UBAP1L: variants seen among roughly 807,000 people sequenced by gnomAD.
The protein encoded by UBAP1L is ubiquitin-associated protein 1-like.
A neutral mutation model predicts 32.1 loss-of-function variants in UBAP1L; 32 were observed. The ratio of observed to expected loss-of-function variants is 1.00; its 90% CI spans 0.75 to 1.34. UBAP1L has a LOEUF of 1.34. UBAP1L is among the 40% of genes most tolerant of loss of function. UBAP1L has a pLI of 0.00. For missense variants in UBAP1L, 516 were observed against 540.5 expected, an observed-to-expected ratio of 0.95 and a Z score of 0.45; for synonymous variants, 243 against 250.2, an observed-to-expected ratio of 0.97 and a Z score of 0.27.
Position 65,099,540 on chromosome 15 carries a change from C to T in UBAP1L, c.874G>A (p.Ala292Thr), listed in dbSNP as rs924404019. Residue 292 changes from alanine to threonine, a missense_variant, in exon 4 of 6, where the codon GCT becomes ACT. Coordinates refer to ENST00000559089, the MANE Select transcript of UBAP1L (RefSeq NM_001163692.2). ...CTCTGCCTCCCTGTCTTCTGCAGAG[C>T]TATGATGGCCCTTCGCAGGGGATAT... is the stretch of plus-strand genomic sequence containing the variant. ...LGYPLRRAIIALQKTGRQSLS... is the reference protein window; with the variant it reads ...LGYPLRRAIITLQKTGRQSLS... 4.5e-6 allele frequency: 7 copies of T among 1,551,042 alleles called. No homozygotes were observed. The African/African-American group carries it at 9.6e-5, about 21-fold the overall frequency.
chr15:65,112,310 G>A (rs2087374092), intron 1 of UBAP1L, among the ~76,000 whole-genome samples: 1 of 152,192 alleles, frequency 6.6e-6, no homozygotes, highest in South Asian at 2.1e-4. Flanking sequence ...TAGAGCTGGG[G>A]AGAACTATGA....
At chr15:65,113,306 A>C (rs2087381127) in intron 1 of UBAP1L, among the ~76,000 whole-genome samples, 1 of 152,224 alleles carries the variant, frequency 6.6e-6, no homozygotes. Context: ...GAAGGCTTGC[A>C]GTGTCTGGCC....
intron 1 of UBAP1L, among the ~76,000 whole-genome samples, chr15:65,112,727 A>G (rs1739417848): frequency 6.6e-6 from 1 of 152,186 alleles, no homozygotes; most frequent in African/African-American, 2.4e-5. Flanking sequence ...CAGTGTCTCA[A>G]GACTTCTCAA....
intron 2 of UBAP1L, among the ~76,000 whole-genome samples, chr15:65,104,001 TCC>T (rs2087274345): frequency 6.6e-6 from 1 of 152,102 alleles, no homozygotes; most frequent in South Asian, 2.1e-4. Context: ...ATGCCTGCGA[TCC>T]CAGCACTTTG....
chr15:65,102,339 C>G lies in UBAP1L; in HGVS notation c.466G>C (p.Ala156Pro). The G allele has an allele frequency of 1.1e-5, 16 of 1,464,130 alleles. No homozygotes were observed. The highest frequency in any genetic ancestry group is 1.4e-5 in the Non-Finnish European group (16 of 1,116,390). 90.7% of individuals were successfully genotyped at this position (1,464,130 alleles called of 1,614,324 possible). The change falls in exon 3 of 6, where the codon GCA becomes CCA. Residue 156 changes from alanine to proline, a missense_variant. By Grantham distance (27) the Ala-to-Pro change is conservative (BLOSUM62 -1). Transcript: ENST00000559089. This position sits in a 1 kb window ranked among gnomAD's most constrained non-coding sequence, Gnocchi z 5.0. ...DVLRGVRLEL[A>P]GARRRLSEGK... ...TCGGAGAGCCGCCGCCGCGCCCCTG[C>G]CAGCTCCAACCGCACGCCGCGTAGC... is the stretch of plus-strand genomic sequence containing the variant.
chr15:65,093,029 C>G lies in UBAP1L; in HGVS notation c.*68G>C. 2 of 1,503,212 alleles carry G rather than the reference C, an allele frequency of 1.3e-6. No individual in the cohort carries two copies. Among genetic ancestry groups the G allele is most frequent in the Non-Finnish European group, 1.8e-6 (2 of 1,131,038 alleles). 93.1% of individuals were successfully genotyped at this position (1,503,212 alleles called of 1,614,324 possible). A position where few individuals can be genotyped will look rare whatever the true frequency, so the allele number is the denominator to read the frequency against. On this transcript the variant is annotated 3_prime_UTR_variant, in exon 6 of 6. Coordinates refer to ENST00000559089, the MANE Select transcript of UBAP1L (RefSeq NM_001163692.2). ...TTACTCTTACTTGGTTTTAATAATA[C>G]AGTTAGGATGGGTTGCCAGGTCTGG...
chr15:65,093,151 G>A lies in UBAP1L; in HGVS notation c.1092C>T (p.Val364=). ...QQDRIKEVLL[V]HGNRREQALE... is the part of the protein sequence containing the mutation. ...GGGCTTGCTCTCGGCGGTTGCCATGGACCAGCAGCACCTCCTTGATCCGGT... is the reference window on the plus strand; with the variant it reads ...GGGCTTGCTCTCGGCGGTTGCCATGAACCAGCAGCACCTCCTTGATCCGGT... Residue 364 remains valine, a synonymous_variant, in exon 6 of 6, where the codon GTC becomes GTT. Coordinates refer to ENST00000559089, the MANE Select transcript of UBAP1L (RefSeq NM_001163692.2). 1 of 1,549,520 alleles carries A rather than the reference G, an allele frequency of 6.5e-7. No homozygotes were observed. Among genetic ancestry groups the A allele is most frequent in the Non-Finnish European group, 8.7e-7 (1 of 1,146,592 alleles).
At chr15:65,101,586 C>G (rs2087239773) in intron 3 of UBAP1L, 2 of 152,324 alleles carry the variant, frequency 1.3e-5, no homozygotes, top group Admixed American at 6.5e-5. Context: ...CACTCCCAAA[C>G]CCAGTGTCTG....
chr15:65,104,963 C>G (rs566637581), intron 2 of UBAP1L: 14 of 320,190 alleles, frequency 4.4e-5, no homozygotes, highest in African/African-American at 3.2e-4. Flanking sequence ...GCCGAGATTG[C>G]GCCACTGCAC....
At position 65,113,002 on chromosome 15, in the gene UBAP1L, T is replaced by C. The variant is rs529741415; in HGVS notation, c.-174+2148A>G. ...CTCTCACCTGGACCACTCATCTCCA[T>C]GTATCCTCACATGCTTTATTATTAT... On this transcript the variant is annotated intron_variant, in intron 1 of 5. Transcript: ENST00000559089. Among the ~76,000 whole-genome samples, 5 of 152,352 alleles carry C rather than the reference T, an allele frequency of 3.3e-5. No individual in the cohort carries two copies. The East Asian group carries it at 7.7e-4, about 23-fold the overall frequency.
chr15:65,093,608 C>T (rs1423774701), intron 5 of UBAP1L, among the ~76,000 whole-genome samples: 5 of 152,210 alleles, frequency 3.3e-5, no homozygotes, highest in African/African-American at 7.2e-5. Context: ...GGTATCACAG[C>T]GCAGCCTGCA....
Position 65,094,414 on chromosome 15 carries a change from G to T in UBAP1L, c.1011+61C>A. ...GGACTGGTGTGGCCCTGCACACCGG[G>T]CTCCTGGGTACACCCCCATCCCTTC... On this transcript the variant is annotated intron_variant, in intron 5 of 5. Coordinates refer to ENST00000559089, the MANE Select transcript of UBAP1L (RefSeq NM_001163692.2). This position sits in a 1 kb window ranked among gnomAD's most constrained non-coding sequence, Gnocchi z 4.2. The T allele has an allele frequency of 1.4e-5, 18 of 1,265,358 alleles. 1 individual carries two copies. In the South Asian group the frequency reaches 2.5e-4, roughly 18 times the overall value. 78.4% of individuals were successfully genotyped at this position (1,265,358 alleles called of 1,614,324 possible).
chr15:65,096,209 G>A (rs1180400508), intron 4 of UBAP1L: 1 of 152,260 alleles, frequency 6.6e-6, no homozygotes, highest in Non-Finnish European at 1.5e-5. Context: ...CATAGCAATG[G>A]TTCTCAGTCT....
chr15:65,102,082 T>G lies in UBAP1L; in HGVS notation c.699+24A>C. 9.0e-7 allele frequency: 1 copy of G among 1,116,778 alleles called. No individual in the cohort carries two copies. The highest frequency in any genetic ancestry group is 1.1e-6 in the Non-Finnish European group (1 of 893,490). The allele number at this position is 1,116,778 out of a possible 1,614,324, so 69.2% of individuals were successfully genotyped here. ...GGCCTGGGCTGCTGATTGGCGGCCT[T>G]GGAGGGGCGGGCAGAATCCTTACCG... On this transcript the variant is annotated intron_variant, in intron 3 of 5. Transcript: ENST00000559089. This position sits in a 1 kb window ranked among gnomAD's most constrained non-coding sequence, Gnocchi z 5.0.
At position 65,094,125 on chromosome 15, in the gene UBAP1L, T is replaced by C. The variant is rs138899062; in HGVS notation, c.1011+350A>G. Among the ~76,000 whole-genome samples, 175 of 152,306 alleles carry C rather than the reference T, an allele frequency of 1.1e-3. 1 individual carries two copies. Among genetic ancestry groups the C allele is most frequent in the African/African-American group, 3.4e-3 (141 of 41,564 alleles). ...GCACGCTCCCCAAGTAGAAAGGTCA[T>C]GCATCTTTGTGCTGCCCATGGCTCC... On this transcript the variant is annotated intron_variant, in intron 5 of 5. Coordinates refer to ENST00000559089, the MANE Select transcript of UBAP1L (RefSeq NM_001163692.2). The surrounding 1 kb of genome is among the most constrained non-coding windows in gnomAD (Gnocchi z 4.2).
In UBAP1L at chr15:65,106,129, G is replaced by C; in HGVS notation, c.87C>G (p.Val29=). 6.4e-7 allele frequency: 1 copy of C among 1,551,096 alleles called. No individual in the cohort carries two copies. The highest frequency in any genetic ancestry group is 1.4e-5 in the African/African-American group (1 of 73,128). Residue 29 remains valine (V), a synonymous_variant, in exon 2 of 6, where the codon GTC becomes GTG. Transcript: ENST00000559089. ...CCAGCAGAACTTCCCCGCAGGCCGG[G>C]ACGCTGAGTTCTGGCCCAGGGAGAG... is the stretch of plus-strand genomic sequence containing the variant. ...TEPLPGPELS[V]PACGEVLLGS... is the part of the protein sequence containing the mutation.
In UBAP1L at chr15:65,102,851, G is replaced by A. The variant is rs1376148343; in HGVS notation, c.121-167C>T. Among the ~76,000 whole-genome samples, 7 of 152,204 alleles carry A rather than the reference G, an allele frequency of 4.6e-5. No homozygotes were observed. The highest frequency in any genetic ancestry group is 7.3e-5 in the Non-Finnish European group (5 of 68,030). On this transcript the variant is annotated intron_variant, in intron 2 of 5. Coordinates refer to ENST00000559089, the MANE Select transcript of UBAP1L (RefSeq NM_001163692.2). This position sits in a 1 kb window ranked among gnomAD's most constrained non-coding sequence, Gnocchi z 5.0. ...ACAGCCCACTCTACCCTGGGTTTTA[G>A]CTAACACTGTGGTCGATGGATACCA...
intron 1 of UBAP1L, among the ~76,000 whole-genome samples, chr15:65,107,227 A>G (rs1171292458): frequency 6.6e-6 from 1 of 152,054 alleles, no homozygotes; most frequent in African/African-American, 2.4e-5. Flanking sequence ...CAACTTAGGA[A>G]GAGAAGGGAA....
In UBAP1L at chr15:65,102,087, G is replaced by A. The variant is rs2087245495; in HGVS notation, c.699+19C>T. On this transcript the variant is annotated intron_variant, in intron 3 of 5. Transcript: ENST00000559089. This position sits in a 1 kb window ranked among gnomAD's most constrained non-coding sequence, Gnocchi z 5.0. ...GGGCTGCTGATTGGCGGCCTTGGAGGGGCGGGCAGAATCCTTACCGCGACC... is the reference window on the plus strand; with the variant it reads ...GGGCTGCTGATTGGCGGCCTTGGAGAGGCGGGCAGAATCCTTACCGCGACC... 56 of 1,154,358 alleles carry A rather than the reference G, an allele frequency of 4.9e-5. No individual in the cohort carries two copies. The highest frequency in any genetic ancestry group is 5.8e-5 in the Non-Finnish European group (54 of 923,762). The allele number at this position is 1,154,358 out of a possible 1,614,324, so 71.5% of individuals were successfully genotyped here.
Sources: gnomAD v4.1 joint callset for allele counts (sites outside exome capture counted in the v4.1 genomes callset) on GRCh38, gnomAD v4.1.1 for gene constraint, Gnocchi (gnomAD v3.1) non-coding constraint, MANE v1.5 for transcripts, NCBI Gene and HGNC (gene_info 2026-07-23, HGNC 2026-07-21) for gene names.